The following VKORC1L1 variants were observed in gnomAD, a reference collection of about 807,000 sequenced individuals.
The protein encoded by VKORC1L1 is vitamin K epoxide reductase complex subunit 1L1, also known as vitamin K epoxide reductase complex subunit 1-like protein 1.
VKORC1L1 carries 2 observed loss-of-function variants against 18.9 expected under a neutral mutation model. The ratio of observed to expected loss-of-function variants is 0.11; its 90% CI spans 0.04 to 0.33. VKORC1L1 has a LOEUF of 0.33. Among genes scored for constraint, VKORC1L1 ranks in the 10% least tolerant of loss-of-function variants. The probability of loss-of-function intolerance (pLI) is 1.00; values close to 1 mark genes in which losing one functional copy is unlikely to be tolerated. For synonymous variants in VKORC1L1, 96 were observed against 100.0 expected (o/e 0.96, Z 0.24); for missense variants, 123 against 224.1 (o/e 0.55, Z 2.88).
At chr7:65,938,860 CTG>C (rs1268549651) in intron 1 of VKORC1L1, among the ~76,000 whole-genome samples, 1 of 152,144 alleles carries the variant, frequency 6.6e-6, no homozygotes, top group Non-Finnish European at 1.5e-5. Context: ...ATGCTCATGA[CTG>C]TGTGGTCCTA....
At chr7:65,883,371 G>A (rs1264354719) in intron 1 of VKORC1L1, among the ~76,000 whole-genome samples, 2 of 151,732 alleles carry the variant, frequency 1.3e-5, no homozygotes, top group Non-Finnish European at 1.5e-5. Context: ...GGCTCGTCTC[G>A]AACTCCTGAC....
At chr7:65,952,778 CTTTTTTTTTTTT>C (rs11395208) in intron 2 of VKORC1L1, among the ~76,000 whole-genome samples, 1 of 86,612 alleles carries the variant, frequency 1.2e-5, no homozygotes, top group Non-Finnish European at 2.0e-5. Flanking sequence ...TTTTTTTTTC[CTTTTTTTTTTTT>C]TTTTTTTTTT....
intron 1 of VKORC1L1, among the ~76,000 whole-genome samples, chr7:65,921,282 A>G (rs998170315): frequency 6.6e-5 from 10 of 152,094 alleles, no homozygotes; most frequent in Non-Finnish European, 1.3e-4. Flanking sequence ...TAGGATTCCT[A>G]TTTCCCCTAC....
rs1790357153 is a variant in VKORC1L1 at position 65,959,319 on chromosome 7, T to A, written c.*5019T>A. ...GACTCCAGCTCAAGAAAAAAAACAATGGACTGCCCCTAATTTGTAAACCAT... is the reference window on the plus strand; with the variant it reads ...GACTCCAGCTCAAGAAAAAAAACAAAGGACTGCCCCTAATTTGTAAACCAT... On this transcript the variant is annotated 3_prime_UTR_variant, in exon 3 of 3. Transcript: ENST00000360768. The A allele has an allele frequency of 6.6e-6, 1 of 152,022 alleles. No individual in the cohort carries two copies. The highest frequency in any genetic ancestry group is 2.4e-5 in the African/African-American group (1 of 41,384). 9.4% of individuals were successfully genotyped at this position (152,022 alleles called of 1,614,324 possible). A position where few individuals can be genotyped will look rare whatever the true frequency, so the allele number is the denominator to read the frequency against.
chr7:65,931,610 T>G (rs1326930689), intron 1 of VKORC1L1, among the ~76,000 whole-genome samples: 2 of 152,142 alleles, frequency 1.3e-5, no homozygotes, highest in Non-Finnish European at 2.9e-5. Context: ...TGTCAGAGGT[T>G]TATCAATAAA....
chr7:65,926,811 A>G (rs1048407996), intron 1 of VKORC1L1, among the ~76,000 whole-genome samples: 12 of 152,224 alleles, frequency 7.9e-5, no homozygotes, highest in Non-Finnish European at 1.8e-4. Flanking sequence ...AGCAACTTGG[A>G]TGGAGCTGGA....
chr7:65,938,014 C>T (rs994332648), intron 1 of VKORC1L1, among the ~76,000 whole-genome samples: 15 of 150,952 alleles, frequency 9.9e-5, no homozygotes, highest in African/African-American at 3.2e-4. Context: ...TCGAGACCAT[C>T]CTTGCCAACA....
At chr7:65,890,517 C>T (rs541078390) in intron 1 of VKORC1L1, among the ~76,000 whole-genome samples, 1 of 152,314 alleles carries the variant, frequency 6.6e-6, no homozygotes, top group Admixed American at 6.5e-5. Context: ...TATCCACCTG[C>T]CTTGGCCTCC....
chr7:65,894,472 C>T (rs911099322), intron 1 of VKORC1L1, among the ~76,000 whole-genome samples: 11 of 152,036 alleles, frequency 7.2e-5, no homozygotes, highest in African/African-American at 1.4e-4. Flanking sequence ...GGGCCGGGCA[C>T]GGTGGCAGCA....
rs1241825514 is a variant in VKORC1L1 at position 65,957,022 on chromosome 7, G to T, written c.*2722G>T. On this transcript the variant is annotated 3_prime_UTR_variant, in exon 3 of 3. Coordinates refer to ENST00000360768, the MANE Select transcript of VKORC1L1 (RefSeq NM_173517.6). Reference sequence around the variant, plus strand: ...CTAGGTGATTTGGAGGATTTCATTTGTTTTGCATTACAGCTAGTTGCTCTC... The same window carrying T: ...CTAGGTGATTTGGAGGATTTCATTTTTTTTGCATTACAGCTAGTTGCTCTC... The T allele has an allele frequency of 6.6e-6, 1 of 152,170 alleles. No homozygotes were observed. Among genetic ancestry groups the T allele is most frequent in the Non-Finnish European group, 1.5e-5 (1 of 68,026 alleles). 9.4% of individuals were successfully genotyped at this position (152,170 alleles called of 1,614,324 possible).
chr7:65,875,418 ACTTTT>A (rs902395368), intron 1 of VKORC1L1, among the ~76,000 whole-genome samples: 3 of 152,004 alleles, frequency 2.0e-5, no homozygotes, highest in South Asian at 2.1e-4. Context: ...GCTGAAAGAC[ACTTTT>A]CTTTTTTTTT....
At chr7:65,902,449 A>G (rs182981522) in intron 1 of VKORC1L1, among the ~76,000 whole-genome samples, 1 of 152,352 alleles carries the variant, frequency 6.6e-6, no homozygotes, top group African/African-American at 2.4e-5. Flanking sequence ...GTCCAAAATG[A>G]GAACAGAAAG....
chr7:65,902,826 A>G (rs1789341003), intron 1 of VKORC1L1, among the ~76,000 whole-genome samples: 1 of 151,994 alleles, frequency 6.6e-6, no homozygotes, highest in Non-Finnish European at 1.5e-5. Flanking sequence ...TAGCAAATCA[A>G]AATACAATTG....
At chr7:65,880,057 G>T (rs1311984216) in intron 1 of VKORC1L1, among the ~76,000 whole-genome samples, 2 of 151,986 alleles carry the variant, frequency 1.3e-5, no homozygotes, top group African/African-American at 4.8e-5. Flanking sequence ...GTCTCACTTT[G>T]TTGCCTGAGT....
upstream of VKORC1L1, among the ~76,000 whole-genome samples, chr7:65,868,404 A>C (rs975501558): frequency 5.9e-5 from 9 of 152,362 alleles, no homozygotes; most frequent in Admixed American, 1.3e-4. Flanking sequence ...CCATTACAGA[A>C]AACAGTAGGG....
At chr7:65,909,646 C>G (rs1454156599) in intron 1 of VKORC1L1, among the ~76,000 whole-genome samples, 2 of 150,916 alleles carry the variant, frequency 1.3e-5, no homozygotes, top group African/African-American at 4.9e-5. Flanking sequence ...TGGTGATCAT[C>G]TGTCGAAACT....
chr7:65,900,131 T>A (rs968885591), intron 1 of VKORC1L1, among the ~76,000 whole-genome samples: 1 of 151,798 alleles, frequency 6.6e-6, no homozygotes, highest in African/African-American at 2.4e-5. Flanking sequence ...GGCTCATGCC[T>A]GTAATCCCAG....
chr7:65,872,146 T>C (rs10259772), upstream of VKORC1L1, among the ~76,000 whole-genome samples: 175 of 152,342 alleles, frequency 1.1e-3, 2 homozygotes, highest in African/African-American at 3.9e-3. Context: ...TTAATAACTA[T>C]GTAAGCCCCT....
At chr7:65,881,143 A>T (rs1350149456) in intron 1 of VKORC1L1, among the ~76,000 whole-genome samples, 1 of 152,218 alleles carries the variant, frequency 6.6e-6, no homozygotes, top group East Asian at 1.9e-4. Flanking sequence ...AACCTGTACT[A>T]CATTGTACTA....
Sources: gnomAD v4.1 joint callset for allele counts (sites outside exome capture counted in the v4.1 genomes callset) on GRCh38, gnomAD v4.1.1 for gene constraint, MANE v1.5 for transcripts, NCBI Gene and HGNC (gene_info 2026-07-23, HGNC 2026-07-21) for gene names.